The following TMPRSS12 variants were observed in gnomAD, a reference collection of about 807,000 sequenced individuals.
TMPRSS12 encodes transmembrane protease serine 12.
TMPRSS12 carries 25 observed loss-of-function variants against 26.0 expected under a neutral mutation model. The observed-to-expected ratio is 0.96, with a 90% confidence interval of 0.70 to 1.34. The LOEUF is 1.34. Ranked by LOEUF, TMPRSS12 falls within the 40% of genes most tolerant of loss-of-function variation. The probability of loss-of-function intolerance (pLI) is 0.00; values close to 1 mark genes in which losing one functional copy is unlikely to be tolerated. For synonymous variants in TMPRSS12, 150 were observed against 161.7 expected (o/e 0.93, Z 0.55); for missense variants, 441 against 440.1 (o/e 1.00, Z -0.02).
At chr12:50,870,211 A>C (rs1286757351) in intron 3 of TMPRSS12, among the ~76,000 whole-genome samples, 1 of 152,102 alleles carries the variant, frequency 6.6e-6, no homozygotes, top group Non-Finnish European at 1.5e-5. Context: ...CAACAACAAC[A>C]AAAAACAAAA....
At chr12:50,874,628 G>C (rs147324748) in intron 3 of TMPRSS12, among the ~76,000 whole-genome samples, 1 of 152,172 alleles carries the variant, frequency 6.6e-6, no homozygotes, top group African/African-American at 2.4e-5. Flanking sequence ...CAAACTATCT[G>C]TCTTCACTAA....
chr12:50,846,618 A>G (rs926757549), intron 2 of TMPRSS12, among the ~76,000 whole-genome samples: 1 of 151,990 alleles, frequency 6.6e-6, no homozygotes, highest in Non-Finnish European at 1.5e-5. Context: ...TTGCTTTGTC[A>G]CCCAGGTTGG....
chr12:50,872,733 T>C (rs1310655626), intron 3 of TMPRSS12, among the ~76,000 whole-genome samples: 1 of 114,138 alleles, frequency 8.8e-6, no homozygotes, highest in Admixed American at 8.5e-5. Flanking sequence ...CGTATATATG[T>C]ACATATATAT....
chr12:50,871,324 C>T (rs753537025), intron 3 of TMPRSS12, among the ~76,000 whole-genome samples: 1 of 152,074 alleles, frequency 6.6e-6, no homozygotes, highest in African/African-American at 2.4e-5. Flanking sequence ...TTCAACAAAG[C>T]AAACAAAAAC....
chr12:50,847,554 TA>T (rs1424876263), intron 2 of TMPRSS12, among the ~76,000 whole-genome samples: 1 of 152,094 alleles, frequency 6.6e-6, no homozygotes, highest in Non-Finnish European at 1.5e-5. Context: ...CATAAATGAA[TA>T]AATGAAAATA....
At chr12:50,883,639 G>A (rs986320300) in intron 3 of TMPRSS12, among the ~76,000 whole-genome samples, 3 of 152,176 alleles carry the variant, frequency 2.0e-5, no homozygotes, top group Non-Finnish European at 2.9e-5. Context: ...GTACGTCACT[G>A]CACTCCAGCC....
chr12:50,865,300 C>G (rs1409877271), intron 3 of TMPRSS12, among the ~76,000 whole-genome samples: 1 of 152,068 alleles, frequency 6.6e-6, no homozygotes, highest in Non-Finnish European at 1.5e-5. Flanking sequence ...TCTTTGCACT[C>G]CAGCCTGGGC....
In TMPRSS12 at chr12:50,847,337, G is replaced by A. The variant is rs182448327; in HGVS notation, c.383+3300G>A. 3.1e-3 allele frequency among the ~76,000 whole-genome samples: 474 copies of A among 152,152 alleles called. 4 individuals carry two copies. Among genetic ancestry groups the A allele is most frequent in the African/African-American group, 0.011 (449 of 41,526 alleles). Reference sequence around the variant, plus strand: ...CTCCCAAAGTGCTGGGATTACAGGCGTGAGCCACTGTGCCCGGCCCCTAAA... The same window carrying A: ...CTCCCAAAGTGCTGGGATTACAGGCATGAGCCACTGTGCCCGGCCCCTAAA... On this transcript the variant is annotated intron_variant, in intron 2 of 4. Transcript: ENST00000398458.
intron 2 of TMPRSS12, among the ~76,000 whole-genome samples, chr12:50,844,459 C>T (rs12312292): frequency 0.15 from 22,456 of 151,836 alleles, 2,859 homozygotes; most frequent in African/African-American, 0.35. Context: ...CTGCAACCTC[C>T]GCCTCCTGGG....
Position 50,843,900 on chromosome 12 carries a change from C to T in TMPRSS12, c.246C>T (p.Thr82=), listed in dbSNP as rs1937738527. ...VLQGSRIIGG[T]EAQAGAWPWV... is the part of the protein sequence containing the mutation. ...AAGGGTCTCGGATTATAGGGGGCAC[C>T]GAAGCACAAGCTGGCGCATGGCCGT... The change falls in exon 2 of 5, where the codon ACC becomes ACT. Residue 82 remains threonine (T), a synonymous_variant. Transcript: ENST00000398458. The T allele has an allele frequency of 3.8e-6, 6 of 1,574,724 alleles. No homozygotes were observed. Among genetic ancestry groups the T allele is most frequent in the Non-Finnish European group, 5.2e-6 (6 of 1,159,752 alleles).
chr12:50,884,089 T>C (rs1306713672), intron 3 of TMPRSS12, among the ~76,000 whole-genome samples: 1 of 152,202 alleles, frequency 6.6e-6, no homozygotes, highest in Non-Finnish European at 1.5e-5. Context: ...ATTTTCTGAA[T>C]AAATGCAGTA....
intron 2 of TMPRSS12, among the ~76,000 whole-genome samples, chr12:50,846,623 G>A (rs1352537571): frequency 6.6e-6 from 1 of 152,014 alleles, no homozygotes; most frequent in East Asian, 1.9e-4. Flanking sequence ...TTGTCACCCA[G>A]GTTGGCATGC....
intron 2 of TMPRSS12, among the ~76,000 whole-genome samples, chr12:50,844,835 T>C (rs1937752858): frequency 6.6e-6 from 1 of 152,204 alleles, no homozygotes; most frequent in Non-Finnish European, 1.5e-5. Context: ...TTATGAACAC[T>C]GAAATCTGAA....
chr12:50,861,786 A>T (rs1334569601), intron 3 of TMPRSS12, among the ~76,000 whole-genome samples: 1 of 151,774 alleles, frequency 6.6e-6, no homozygotes, highest in East Asian at 1.9e-4. Flanking sequence ...TGCAAATCTC[A>T]TGTATTTCCA....
At chr12:50,863,719 T>A (rs893871343) in intron 3 of TMPRSS12, among the ~76,000 whole-genome samples, 1 of 152,320 alleles carries the variant, frequency 6.6e-6, no homozygotes, top group South Asian at 2.1e-4. Context: ...GACAAAATTA[T>A]GCAGACAGAG....
At chr12:50,845,255 T>G (rs1937756928) in intron 2 of TMPRSS12, among the ~76,000 whole-genome samples, 1 of 152,218 alleles carries the variant, frequency 6.6e-6, no homozygotes, top group Admixed American at 6.5e-5. Context: ...CTTTTTGACC[T>G]CTACAGCCTT....
intron 3 of TMPRSS12, among the ~76,000 whole-genome samples, chr12:50,884,106 T>A (rs1405172648): frequency 6.6e-6 from 1 of 152,232 alleles, no homozygotes; most frequent in Non-Finnish European, 1.5e-5. Flanking sequence ...AGTAGAAGCA[T>A]TGTTAGAAAC....
intron 3 of TMPRSS12, among the ~76,000 whole-genome samples, chr12:50,862,120 C>T (rs1937942039): frequency 1.3e-5 from 2 of 152,128 alleles, no homozygotes; most frequent in Admixed American, 1.3e-4. Flanking sequence ...AATATATCAT[C>T]TTTCACAATG....
intron 2 of TMPRSS12, among the ~76,000 whole-genome samples, chr12:50,844,850 A>C (rs527341900): frequency 1.3e-5 from 2 of 152,342 alleles, no homozygotes; most frequent in Admixed American, 6.5e-5. Flanking sequence ...TCTGAATTTC[A>C]TATGTTTAAC....
Sources: allele counts gnomAD v4.1 joint callset (sites outside exome capture counted in the v4.1 genomes callset), GRCh38; gene constraint gnomAD v4.1.1; transcripts MANE v1.5; gene names NCBI Gene and HGNC (gene_info 2026-07-23, HGNC 2026-07-21).